Variants in WBP1L observed in about 807,000 individuals in gnomAD.
The protein encoded by WBP1L is WW domain binding protein 1-like.
WBP1L carries 17 observed loss-of-function variants against 33.7 expected under a neutral mutation model. The observed-to-expected ratio is 0.50, with a 90% CI of 0.34 to 0.76. The LOEUF (loss-of-function observed/expected upper bound fraction) is 0.76, where lower values mean the gene tolerates loss of function less well. Ranked by LOEUF, WBP1L falls within the 30% of genes least tolerant of loss-of-function variation. WBP1L has a pLI of 0.01. For synonymous variants in WBP1L, 173 were observed against 190.8 expected, an observed-to-expected ratio of 0.91 and a Z score of 0.77; for missense variants, 389 against 469.4, an observed-to-expected ratio of 0.83 and a Z score of 1.58.
chr10:102,781,281 G>T (rs7086602), intron 1 of WBP1L, among the ~76,000 whole-genome samples: 5 of 152,210 alleles, frequency 3.3e-5, no homozygotes, highest in African/African-American at 9.7e-5. Flanking sequence ...GGAAGGGGGG[G>T]AATTGCCGGC....
chr10:102,790,378 G>A (rs1564764510), intron 1 of WBP1L, among the ~76,000 whole-genome samples: 1 of 151,946 alleles, frequency 6.6e-6, no homozygotes, highest in Non-Finnish European at 1.5e-5. Flanking sequence ...TTTGAGATAT[G>A]CTTGTATCTT....
At chr10:102,755,245 C>T (rs1436931770) in intron 1 of WBP1L, among the ~76,000 whole-genome samples, 3 of 151,898 alleles carry the variant, frequency 2.0e-5, no homozygotes, top group African/African-American at 7.3e-5. Context: ...CCGCACCTGG[C>T]CTTGTTTTAT....
chr10:102,809,492 C>G (rs1843795473), intron 2 of WBP1L, among the ~76,000 whole-genome samples: 1 of 152,024 alleles, frequency 6.6e-6, no homozygotes, highest in Admixed American at 6.6e-5. Context: ...GTGCCTCAGC[C>G]TCCTGAGTAG....
chr10:102,775,425 GAAGAAAGCACGACAAACCT>G (rs1480606472), intron 1 of WBP1L, among the ~76,000 whole-genome samples: 1 of 152,208 alleles, frequency 6.6e-6, no homozygotes, highest in Non-Finnish European at 1.5e-5. Context: ...TGAACTTAGT[GAAGAAAGCACGACAAACCT>G]AAGGCGGTGA....
intron 2 of WBP1L, among the ~76,000 whole-genome samples, chr10:102,805,142 G>T (rs1329197304): frequency 6.6e-6 from 1 of 151,960 alleles, no homozygotes; most frequent in African/African-American, 2.4e-5. Flanking sequence ...TTAAAAATTA[G>T]CCAGGTGTGG....
chr10:102,810,098 T>G, intron 3 of WBP1L, 44 bp downstream of exon 3: 2 of 1,568,848 alleles, frequency 1.3e-6, no homozygotes, highest in Non-Finnish European at 1.7e-6. Flanking sequence ...GGAGCTCAGG[T>G]GCACAGACCC....
chr10:102,771,637 A>C (rs1843187956), intron 1 of WBP1L, among the ~76,000 whole-genome samples: 1 of 151,956 alleles, frequency 6.6e-6, no homozygotes, highest in Non-Finnish European at 1.5e-5. Flanking sequence ...GTGAAACCCC[A>C]TCTCTAATAA....
intron 1 of WBP1L, among the ~76,000 whole-genome samples, chr10:102,765,567 C>T (rs1843095615): frequency 6.6e-6 from 1 of 152,160 alleles, no homozygotes; most frequent in Admixed American, 6.6e-5. Context: ...TTTATCTCTT[C>T]ATTCATGTGA....
At chr10:102,776,310 A>G in intron 1 of WBP1L, 13 of 1,613,202 alleles carry the variant, frequency 8.1e-6, no homozygotes, top group Non-Finnish European at 1.0e-5. Context: ...ACACAGGCCC[A>G]CCAGGGGCAA....
At chr10:102,770,086 C>A (rs1273518212) in intron 1 of WBP1L, among the ~76,000 whole-genome samples, 1 of 152,330 alleles carries the variant, frequency 6.6e-6, no homozygotes, top group African/African-American at 2.4e-5. Context: ...TTCTGCCTGG[C>A]AGAGTTCTGG....
At chr10:102,770,728 A>C (rs1306224345) in intron 1 of WBP1L, among the ~76,000 whole-genome samples, 1 of 152,210 alleles carries the variant, frequency 6.6e-6, no homozygotes, top group Admixed American at 6.5e-5. Context: ...TTCACACTCC[A>C]GAACACCACC....
Position 102,813,399 on chromosome 10 carries a change from A to C in WBP1L, c.*68A>C. On this transcript the variant is annotated 3_prime_UTR_variant, in exon 4 of 4. Coordinates refer to ENST00000448841, the MANE Select transcript of WBP1L (RefSeq NM_001083913.2). ...GGTAGGGGAGAACCACGAGAGAAGC[A>C]TTAAGTGACTTTCAAAGACTTTCAG... The C allele has an allele frequency of 6.6e-7, 1 of 1,513,570 alleles. No homozygotes were observed. Among genetic ancestry groups the C allele is most frequent in the Non-Finnish European group, 8.8e-7 (1 of 1,134,898 alleles). The allele number at this position is 1,513,570 out of a possible 1,614,324, so 93.8% of individuals were successfully genotyped here.
intron 1 of WBP1L, among the ~76,000 whole-genome samples, chr10:102,769,402 T>G (rs1843158498): frequency 6.6e-6 from 1 of 150,898 alleles, no homozygotes; most frequent in Non-Finnish European, 1.5e-5. Flanking sequence ...TCATCCAGCA[T>G]CTCTTCTTTG....
At chr10:102,769,053 C>T (rs529292072) in intron 1 of WBP1L, among the ~76,000 whole-genome samples, 1 of 152,148 alleles carries the variant, frequency 6.6e-6, no homozygotes, top group Non-Finnish European at 1.5e-5. Context: ...GGTATAATCA[C>T]AGCTCACTAC....
At chr10:102,811,887 T>C (rs1266836552) in intron 3 of WBP1L, among the ~76,000 whole-genome samples, 1 of 152,228 alleles carries the variant, frequency 6.6e-6, no homozygotes, top group Non-Finnish European at 1.5e-5. Context: ...CAATAAATGT[T>C]AGTAATGTTA....
intron 1 of WBP1L, among the ~76,000 whole-genome samples, chr10:102,770,958 C>T (rs897774244): frequency 3.3e-5 from 5 of 152,230 alleles, no homozygotes; most frequent in Non-Finnish European, 5.9e-5. Context: ...TGCTGTCTCA[C>T]AGCCAGCTGT....
In WBP1L at chr10:102,751,811, C is replaced by T. The variant is rs74233282; in HGVS notation, c.90+7668C>T. Among the ~76,000 whole-genome samples the T allele has an allele frequency of 0.011, 1,619 of 152,208 alleles. 93 individuals are homozygous for T. The East Asian group carries it at 0.15, about 14-fold the overall frequency. ...GAGCAAGTTACATAACCTCTTTGTG[C>T]CTCAGCTTCCTCATCTATAAAATGG... is the stretch of plus-strand genomic sequence containing the variant. On this transcript the variant is annotated intron_variant, in intron 1 of 3. Transcript: ENST00000448841.
At chr10:102,787,849 G>A (rs1360720887) in intron 1 of WBP1L, among the ~76,000 whole-genome samples, 1 of 151,948 alleles carries the variant, frequency 6.6e-6, no homozygotes, top group African/African-American at 2.4e-5. Context: ...AGGCCGAGGT[G>A]GGCGGATCAC....
intron 1 of WBP1L, among the ~76,000 whole-genome samples, chr10:102,794,071 C>CGA (rs1843539245): frequency 6.6e-6 from 1 of 152,102 alleles, no homozygotes; most frequent in East Asian, 1.9e-4. Flanking sequence ...ACACCTGGCC[C>CGA]CAGCGAACTC....
Sources: gnomAD v4.1 joint callset for allele counts (sites outside exome capture counted in the v4.1 genomes callset) on GRCh38, gnomAD v4.1.1 for gene constraint, MANE v1.5 for transcripts, NCBI Gene and HGNC (gene_info 2026-07-23, HGNC 2026-07-21) for gene names.